CLYBL: variants seen among roughly 807,000 people sequenced by gnomAD.
The protein encoded by CLYBL is citramalyl-CoA lyase, also known as citramalyl-CoA lyase, mitochondrial.
Under a neutral mutation model 38.9 loss-of-function variants are expected in CLYBL, and 31 were observed. The observed-to-expected ratio is 0.80, with a 90% CI of 0.60 to 1.08. The LOEUF (loss-of-function observed/expected upper bound fraction) is 1.08. Among genes scored for constraint, CLYBL ranks in the 50% least tolerant of loss-of-function variants. CLYBL has a pLI of 0.00. For missense variants in CLYBL, 434 were observed against 411.6 expected, an observed-to-expected ratio of 1.05 and a Z score of -0.47; for synonymous variants, 171 against 158.6, an observed-to-expected ratio of 1.08 and a Z score of -0.59.
At chr13:99,607,459 G>A (rs956756523) in intron 1 of CLYBL, among the ~76,000 whole-genome samples, 1 of 152,198 alleles carries the variant, frequency 6.6e-6, no homozygotes, top group Admixed American at 6.5e-5. Context: ...TTGGGAAAGG[G>A]AGGACCAAGC....
At chr13:99,720,445 C>T (rs1005745391) in intron 1 of CLYBL, among the ~76,000 whole-genome samples, 1 of 152,082 alleles carries the variant, frequency 6.6e-6, no homozygotes, top group African/African-American at 2.4e-5. Flanking sequence ...TTTAGATTTA[C>T]TTACATGTTT....
At chr13:99,692,560 G>A (rs1323323455) in intron 1 of CLYBL, among the ~76,000 whole-genome samples, 1 of 152,088 alleles carries the variant, frequency 6.6e-6, no homozygotes, top group Admixed American at 6.6e-5. Flanking sequence ...CCAAAGTGCT[G>A]GGATTACAGG....
intron 1 of CLYBL, among the ~76,000 whole-genome samples, chr13:99,737,201 C>T (rs1040441183): frequency 1.4e-4 from 20 of 146,892 alleles, no homozygotes; most frequent in Middle Eastern, 3.3e-3. Flanking sequence ...AGCAGCTCCC[C>T]GGTCCCCCTG....
At chr13:99,626,954 G>A (rs896506183) in intron 1 of CLYBL, among the ~76,000 whole-genome samples, 3 of 150,508 alleles carry the variant, frequency 2.0e-5, no homozygotes, top group Non-Finnish European at 4.4e-5. Flanking sequence ...ATTGTCTGCA[G>A]TTATGACTCA....
rs534233765 is a variant in CLYBL at position 99,817,587 on chromosome 13, A to G, written c.250-41274A>G. ...GGAGAATGGCGTGAACCCGGGAGGC[A>G]GAGCTTGCAGTGAGCAGAGACGGCG... On this transcript the variant is annotated intron_variant, in intron 2 of 8. Coordinates refer to ENST00000339105, the MANE Select transcript of CLYBL (RefSeq NM_206808.5). 3.8e-4 allele frequency among the ~76,000 whole-genome samples: 56 copies of G among 149,126 alleles called. No homozygotes were observed. The South Asian group carries it at 9.6e-3, about 26-fold the overall frequency.
At chr13:99,744,076 C>A (rs1009381868) in intron 1 of CLYBL, among the ~76,000 whole-genome samples, 3 of 149,350 alleles carry the variant, frequency 2.0e-5, no homozygotes, top group African/African-American at 7.4e-5. Flanking sequence ...GGGTTCACAG[C>A]ATTCTCCTGC....
At chr13:99,668,657 A>G (rs903974676) in intron 1 of CLYBL, among the ~76,000 whole-genome samples, 15 of 152,168 alleles carry the variant, frequency 9.9e-5, no homozygotes, top group African/African-American at 3.4e-4. Flanking sequence ...GATAGAAGAA[A>G]AATGAGAACT....
intron 2 of CLYBL, among the ~76,000 whole-genome samples, chr13:99,785,191 CTTTTTTTTTTTTTTT>C (rs58550861): frequency 2.6e-3 from 89 of 34,212 alleles, no homozygotes; most frequent in African/African-American, 8.4e-3. Flanking sequence ...CCCCGCCTGG[CTTTTTTTTTTTTTTT>C]TTTTTTTTTT....
intron 1 of CLYBL, among the ~76,000 whole-genome samples, chr13:99,622,504 C>T (rs1594087749): frequency 6.6e-6 from 1 of 152,158 alleles, no homozygotes; most frequent in African/African-American, 2.4e-5. Flanking sequence ...CTCCATTGCC[C>T]CTACCCTAGT....
At chr13:99,862,501 A>G (rs2139214250) in intron 3 of CLYBL, among the ~76,000 whole-genome samples, 2 of 152,290 alleles carry the variant, frequency 1.3e-5, no homozygotes, top group Middle Eastern at 3.4e-3. Flanking sequence ...ATGAAGAAAA[A>G]CCTTCTGAAC....
intron 1 of CLYBL, among the ~76,000 whole-genome samples, chr13:99,702,671 C>T (rs2048086603): frequency 6.6e-6 from 1 of 151,676 alleles, no homozygotes; most frequent in South Asian, 2.1e-4. Context: ...AATGAAGGCT[C>T]ATGCAGAATG....
At chr13:99,644,004 CAAAAAAAA>C (rs71118498) in intron 1 of CLYBL, among the ~76,000 whole-genome samples, 3,728 of 89,148 alleles carry the variant, frequency 0.042, 85 homozygotes, top group Middle Eastern at 0.17. Flanking sequence ...GACTCTGTCT[CAAAAAAAA>C]AAAAAAAAAA....
chr13:99,794,233 C>G (rs1473355141), intron 2 of CLYBL, among the ~76,000 whole-genome samples: 1 of 152,080 alleles, frequency 6.6e-6, no homozygotes. Context: ...TCAGCCTGGC[C>G]AACATGATGA....
At chr13:99,688,893 A>G (rs1044871235) in intron 1 of CLYBL, among the ~76,000 whole-genome samples, 3 of 152,224 alleles carry the variant, frequency 2.0e-5, no homozygotes, top group Admixed American at 2.0e-4. Flanking sequence ...ATTTGGGCAG[A>G]TGAGTTGCTT....
chr13:99,638,671 G>A (rs2139260264), intron 1 of CLYBL, among the ~76,000 whole-genome samples: 1 of 152,326 alleles, frequency 6.6e-6, no homozygotes, highest in South Asian at 2.1e-4. Flanking sequence ...ATTTCATGTA[G>A]CACTCTCAAC....
At chr13:99,710,134 G>A (rs1333523741) in intron 1 of CLYBL, among the ~76,000 whole-genome samples, 2 of 151,810 alleles carry the variant, frequency 1.3e-5, no homozygotes, top group Non-Finnish European at 2.9e-5. Flanking sequence ...CCGTGGTCTC[G>A]ATCTGCTGAC....
At chr13:99,808,726 G>A (rs538993656) in intron 2 of CLYBL, among the ~76,000 whole-genome samples, 2 of 152,194 alleles carry the variant, frequency 1.3e-5, no homozygotes, top group African/African-American at 2.4e-5. Context: ...CATTGGAGGT[G>A]GAGGACAAAG....
At chr13:99,837,771 G>A (rs1184191637) in intron 2 of CLYBL, among the ~76,000 whole-genome samples, 4 of 152,096 alleles carry the variant, frequency 2.6e-5, no homozygotes, top group African/African-American at 4.8e-5. Context: ...AACCCTGGCC[G>A]TCCAGCAGGG....
intron 1 of CLYBL, among the ~76,000 whole-genome samples, chr13:99,672,513 C>T (rs1169958563): frequency 1.3e-5 from 2 of 152,008 alleles, no homozygotes; most frequent in African/African-American, 2.4e-5. Context: ...GTGGCTCACA[C>T]CGATAATTCC....
Sources: gnomAD v4.1 joint callset for allele counts (sites outside exome capture counted in the v4.1 genomes callset) on GRCh38, gnomAD v4.1.1 for gene constraint, MANE v1.5 for transcripts, NCBI Gene and HGNC (gene_info 2026-07-23, HGNC 2026-07-21) for gene names.